Variants in RBBP6 observed in about 807,000 individuals in gnomAD.
RBBP6 encodes the protein RB binding protein 6, ubiquitin ligase, also known as E3 ubiquitin-protein ligase RBBP6.
A neutral mutation model predicts 167.7 loss-of-function variants in RBBP6; 25 were observed. That is an observed-to-expected ratio of 0.15 (90% CI 0.11 to 0.21). The LOEUF (loss-of-function observed/expected upper bound fraction) is 0.21. Among genes scored for constraint, RBBP6 ranks in the 10% least tolerant of loss-of-function variants. The probability of loss-of-function intolerance (pLI) is 1.00; values close to 1 mark genes in which losing one functional copy is unlikely to be tolerated. For synonymous variants in RBBP6, 789 were observed against 735.8 expected (o/e 1.07, Z -1.17); for missense variants, 1,868 against 2,134.2 (o/e 0.88, Z 2.46).
Position 24,571,622 on chromosome 16 carries a change from G to A in RBBP6, c.4556G>A (p.Arg1519Lys). 1 of 1,611,512 alleles carries A rather than the reference G, an allele frequency of 6.2e-7. No homozygotes were observed. Among genetic ancestry groups the A allele is most frequent in the South Asian group, 1.1e-5 (1 of 90,272 alleles). The change falls in exon 18 of 18, where the codon AGA (arginine) becomes AAA (lysine). Residue 1519 changes from arginine to lysine, a missense_variant. Transcript: ENST00000319715. ...SGQKNKPREE[R>K]DLPKKGTGDS... Reference sequence around the variant, plus strand: ...CAGAAAAATAAACCAAGGGAAGAGAGAGATTTGCCTAAAAAAGGAACAGGA... The same window carrying A: ...CAGAAAAATAAACCAAGGGAAGAGAAAGATTTGCCTAAAAAAGGAACAGGA...
rs1899326987 is a variant in RBBP6, at chr16:24,571,384, T to G, written c.4318T>G (p.Phe1440Val). ...NLDRLNEQGN[F>V]KSLSQSSKEA... is the part of the protein sequence containing the mutation. ...GGACCGTCTGAATGAACAAGGAAAT[T>G]TTAAAAGTCTGTCTCAATCTTCCAA... Residue 1440 changes from phenylalanine to valine, a missense_variant, in exon 18 of 18, where the codon TTT (phenylalanine) becomes GTT (valine). This residue lies in a region of RBBP6 where 591 missense variants were observed against 540.5 expected (regional missense o/e 1.09). Transcript: ENST00000319715. 1.2e-6 allele frequency: 2 copies of G among 1,613,756 alleles called. No individual in the cohort carries two copies. Among genetic ancestry groups the G allele is most frequent in the Admixed American group, 1.7e-5 (1 of 59,986 alleles).
At chr16:24,557,896 T>A (rs943827024) in intron 7 of RBBP6, among the ~76,000 whole-genome samples, 1 of 152,206 alleles carries the variant, frequency 6.6e-6, no homozygotes, top group African/African-American at 2.4e-5. Context: ...AAATAGTGTT[T>A]TCGTTCACAG....
chr16:24,555,739 T>G, intron 5 of RBBP6, 36 bp downstream of exon 5: 1 of 1,599,380 alleles, frequency 6.3e-7, no homozygotes, highest in Non-Finnish European at 8.6e-7. Context: ...ATAGGAACTT[T>G]TGGGGTGGGT....
chr16:24,555,212 C>G, intron 4 of RBBP6: 1 of 155,494 alleles, frequency 6.4e-6, no homozygotes, highest in Non-Finnish European at 1.4e-5. Flanking sequence ...CTGCATAATA[C>G]GTTCAGTCAT....
At chr16:24,555,583 A>ATG in intron 4 of RBBP6, 32 bp from the exon 5 acceptor site, 1 of 1,530,986 alleles carries the variant, frequency 6.5e-7, no homozygotes, top group Non-Finnish European at 9.0e-7. Flanking sequence ...TGTGTTTCTA[A>ATG]TGTGTGTGTC....
intron 3 of RBBP6, among the ~76,000 whole-genome samples, chr16:24,549,957 AAGT>A (rs1339954274): frequency 5.9e-5 from 9 of 152,088 alleles, no homozygotes; most frequent in Admixed American, 1.3e-4. Flanking sequence ...CTTAAGTAAA[AAGT>A]AGCAGCATTC....
rs1238652504 is a variant in RBBP6, at chr16:24,539,587, G to C, written c.-1040G>C. ...CCCCGCAGTGGGGCGCTCGTCCGAA[G>C]CCAGGCCGCGTCCGCCATAGTACCT... On this transcript the variant is annotated 5_prime_UTR_variant, in exon 1 of 18. Coordinates refer to ENST00000319715, the MANE Select transcript of RBBP6 (RefSeq NM_006910.5). 2.6e-5 allele frequency: 4 copies of C among 152,130 alleles called. No individual in the cohort carries two copies. The highest frequency in any genetic ancestry group is 9.7e-5 in the African/African-American group (4 of 41,424). The allele number at this position is 152,130 out of a possible 1,614,324, so 9.4% of individuals were successfully genotyped here. A position where few individuals can be genotyped will look rare whatever the true frequency, so the allele number is the denominator to read the frequency against.
At position 24,572,556 on chromosome 16, in the gene RBBP6, C is replaced by A; in HGVS notation, c.*111C>A. On this transcript the variant is annotated 3_prime_UTR_variant, in exon 18 of 18. Coordinates refer to ENST00000319715, the MANE Select transcript of RBBP6 (RefSeq NM_006910.5). ...TAATGACATGGAAGACCCTGTGCTG[C>A]ACTTAAAATATTGCTGCTTGATTAT... 1 of 1,336,794 alleles carries A rather than the reference C, an allele frequency of 7.5e-7. No individual in the cohort carries two copies. The highest frequency in any genetic ancestry group is 1.5e-5 in the African/African-American group (1 of 67,782). 82.8% of individuals were successfully genotyped at this position (1,336,794 alleles called of 1,614,324 possible).
Position 24,568,871 on chromosome 16 carries a change from TTCACGG to T in RBBP6, c.2186_2191del (p.Arg729_Ser730del). The T allele has an allele frequency of 1.9e-6, 3 of 1,614,226 alleles. No homozygotes were observed. Among genetic ancestry groups the T allele is most frequent in the Non-Finnish European group, 2.5e-6 (3 of 1,180,042 alleles). On this transcript the variant is annotated inframe_deletion, in exon 17 of 18. Coordinates refer to ENST00000319715, the MANE Select transcript of RBBP6 (RefSeq NM_006910.5). ...TCAGCCGCTCACATTCTCGTTCCTA[TTCACGG>T]TCACCTCCATACCCCAGAAGAGGCA...
At chr16:24,545,551 T>G (rs1459444639) in intron 1 of RBBP6, among the ~76,000 whole-genome samples, 1 of 152,214 alleles carries the variant, frequency 6.6e-6, no homozygotes, top group Non-Finnish European at 1.5e-5. Context: ...CTACATGCTT[T>G]TTTTATCCTT....
chr16:24,545,664 C>A (rs532681834), intron 1 of RBBP6, among the ~76,000 whole-genome samples: 10 of 152,336 alleles, frequency 6.6e-5, no homozygotes, highest in African/African-American at 2.4e-4. Context: ...TTGGAATCAA[C>A]ATTCTATCTG....
In RBBP6 at chr16:24,569,772, G is replaced by T. The variant is rs1899281841; in HGVS notation, c.3082G>T (p.Val1028Leu). ...CAAACGGAAGAATGATGGATCTGCTGTGTCCAAAAAAGAAAATATTGTAAA... is the reference window on the plus strand; with the variant it reads ...CAAACGGAAGAATGATGGATCTGCTTTGTCCAAAAAAGAAAATATTGTAAA... Reference protein sequence around the residue: ...KTKRKNDGSAVSKKENIVKPA... With the variant: ...KTKRKNDGSALSKKENIVKPA... Residue 1028 changes from valine (V) to leucine (L), a missense_variant, in exon 17 of 18, where the codon GTG (valine) becomes TTG (leucine). By Grantham distance (32) the Val-to-Leu change is conservative (BLOSUM62 1). Transcript: ENST00000319715. The T allele has an allele frequency of 6.2e-7, 1 of 1,613,814 alleles. No individual in the cohort carries two copies. Among genetic ancestry groups the T allele is most frequent in the African/African-American group, 1.3e-5 (1 of 74,894 alleles).
At chr16:24,554,496 C>T (rs1484179905) in intron 4 of RBBP6, 4 of 151,906 alleles carry the variant, frequency 2.6e-5, no homozygotes, top group Admixed American at 2.0e-4. Context: ...GACTGTATCC[C>T]GACAAAATGT....
intron 7 of RBBP6, 37 bp from the exon 8 acceptor site, chr16:24,559,468 C>T (rs2141469048): frequency 6.5e-7 from 1 of 1,533,882 alleles, no homozygotes; most frequent in Non-Finnish European, 8.9e-7. Flanking sequence ...ACTCTGCCTT[C>T]TTAACAATGG....
chr16:24,539,707 A>G lies in RBBP6; in HGVS notation c.-920A>G, dbSNP rs543396495. On this transcript the variant is annotated 5_prime_UTR_variant, in exon 1 of 18. Coordinates refer to ENST00000319715, the MANE Select transcript of RBBP6 (RefSeq NM_006910.5). ...GGAGAAGCCCTAGCCGCTGCCCAGC[A>G]GCTTGCGGGCGTGTTCTCGCGGTTC... 1 of 152,306 alleles carries G rather than the reference A, an allele frequency of 6.6e-6. No homozygotes were observed. Among genetic ancestry groups the G allele is most frequent in the Non-Finnish European group, 1.5e-5 (1 of 68,028 alleles). The allele number at this position is 152,306 out of a possible 1,614,324, so 9.4% of individuals were successfully genotyped here. A position where few individuals can be genotyped will look rare whatever the true frequency, so the allele number is the denominator to read the frequency against.
chr16:24,571,766 A>C lies in RBBP6; in HGVS notation c.4700A>C (p.Lys1567Thr). 6.2e-7 allele frequency: 1 copy of C among 1,614,122 alleles called. No individual in the cohort carries two copies. ...ETKSVDKNPCKDREKHVLEAR... is the reference protein window; with the variant it reads ...ETKSVDKNPCTDREKHVLEAR... Reference sequence around the variant, plus strand: ...AAATCTGTAGATAAAAATCCTTGTAAGGATCGTGAGAAGCATGTATTAGAA... The same window carrying C: ...AAATCTGTAGATAAAAATCCTTGTACGGATCGTGAGAAGCATGTATTAGAA... The change falls in exon 18 of 18, where the codon AAG becomes ACG. Residue 1567 changes from lysine (K) to threonine (T), a missense_variant. Lys to Thr is a moderately conservative substitution (Grantham distance 78). Coordinates refer to ENST00000319715, the MANE Select transcript of RBBP6 (RefSeq NM_006910.5).
At chr16:24,556,792 T>A (rs553805572) in intron 7 of RBBP6, among the ~76,000 whole-genome samples, 7 of 152,162 alleles carry the variant, frequency 4.6e-5, no homozygotes, top group African/African-American at 7.2e-5. Context: ...CAAAACAGAT[T>A]GTAATCATTT....
intron 11 of RBBP6, 57 bp from the exon 12 acceptor site, chr16:24,563,366 A>G: frequency 7.4e-7 from 1 of 1,350,180 alleles, no homozygotes; most frequent in East Asian, 2.7e-5. Context: ...CTTTGTTCTT[A>G]CCTCTTTTTT....
Position 24,572,518 on chromosome 16 carries a change from C to G in RBBP6, c.*73C>G, listed in dbSNP as rs1248058349. The G allele has an allele frequency of 9.7e-6, 14 of 1,448,194 alleles. No individual in the cohort carries two copies. Among genetic ancestry groups the G allele is most frequent in the Non-Finnish European group, 1.3e-5 (14 of 1,105,368 alleles). The allele number at this position is 1,448,194 out of a possible 1,614,324, so 89.7% of individuals were successfully genotyped here. ...AATTTTGTTATAATGTAAAGAGATT[C>G]AAGCCTTGTAAATAATGACATGGAA... is the stretch of plus-strand genomic sequence containing the variant. On this transcript the variant is annotated 3_prime_UTR_variant, in exon 18 of 18. Transcript: ENST00000319715.
Sources: allele counts gnomAD v4.1 joint callset (sites outside exome capture counted in the v4.1 genomes callset), GRCh38; gene constraint gnomAD v4.1.1; regional missense constraint gnomAD v4.1.1; transcripts MANE v1.5; gene names NCBI Gene and HGNC (gene_info 2026-07-23, HGNC 2026-07-21).